RBMS3: variants seen among roughly 807,000 people sequenced by gnomAD.
RBMS3 encodes the protein RNA-binding motif, single-stranded-interacting protein 3.
In RBMS3, 27 loss-of-function variants were observed where a neutral mutation model predicts 66.8. The observed-to-expected ratio is 0.40, with a 90% CI of 0.30 to 0.56. The LOEUF (loss-of-function observed/expected upper bound fraction) is 0.56. Among genes scored for constraint, RBMS3 ranks in the 20% least tolerant of loss-of-function variants. RBMS3 has a pLI of 0.40. For missense variants in RBMS3, 513 were observed against 549.5 expected, an observed-to-expected ratio of 0.93 and a Z score of 0.66; for synonymous variants, 188 against 183.0, an observed-to-expected ratio of 1.03 and a Z score of -0.22.
At chr3:29,771,913 T>G (rs1459974970) in intron 6 of RBMS3, among the ~76,000 whole-genome samples, 1 of 151,976 alleles carries the variant, frequency 6.6e-6, no homozygotes, top group South Asian at 2.1e-4. Flanking sequence ...CATGATCCAG[T>G]CACCTCCCAC....
chr3:29,766,543 G>A (rs1379994151), intron 6 of RBMS3: 1 of 151,992 alleles, frequency 6.6e-6, no homozygotes, highest in Non-Finnish European at 1.5e-5. Flanking sequence ...AAGTGAGTTG[G>A]AAGAGAACTT....
chr3:29,337,095 C>T (rs575949100), intron 1 of RBMS3, among the ~76,000 whole-genome samples: 1 of 152,018 alleles, frequency 6.6e-6, no homozygotes, highest in South Asian at 2.1e-4. Context: ...TTCTTAACCC[C>T]CACAGCTTAT....
intron 4 of RBMS3, among the ~76,000 whole-genome samples, chr3:29,697,480 A>G (rs1174466846): frequency 2.0e-5 from 3 of 152,170 alleles, no homozygotes; most frequent in African/African-American, 7.2e-5. Context: ...TTGTTTACCA[A>G]TGTTACCCAT....
intron 4 of RBMS3, among the ~76,000 whole-genome samples, chr3:29,699,870 T>C (rs1223949004): frequency 1.3e-5 from 2 of 152,176 alleles, no homozygotes; most frequent in South Asian, 2.1e-4. Flanking sequence ...TCAGTAGGTC[T>C]GAGGCAGGAC....
At chr3:29,933,199 A>G (rs1191715049) in intron 10 of RBMS3, among the ~76,000 whole-genome samples, 2 of 152,174 alleles carry the variant, frequency 1.3e-5, no homozygotes, top group East Asian at 1.9e-4. Flanking sequence ...TCTTCAGCCT[A>G]TGGCTTAAAT....
At chr3:29,548,852 T>C (rs1001756786) in intron 3 of RBMS3, among the ~76,000 whole-genome samples, 88 of 151,972 alleles carry the variant, frequency 5.8e-4, no homozygotes, top group African/African-American at 2.0e-3. Context: ...GAAAAAACAA[T>C]ATGCCAAGCT....
At chr3:29,563,262 C>T (rs1252397014) in intron 3 of RBMS3, among the ~76,000 whole-genome samples, 1 of 152,136 alleles carries the variant, frequency 6.6e-6, no homozygotes. Context: ...GAACTATTTC[C>T]ATTACTTTGA....
intron 1 of RBMS3, among the ~76,000 whole-genome samples, chr3:29,359,814 A>T (rs2037456013): frequency 6.6e-6 from 1 of 151,818 alleles, no homozygotes; most frequent in African/African-American, 2.4e-5. Context: ...TTTCTTCTAG[A>T]TTTTCTAGTT....
At chr3:29,529,533 C>T (rs2045268413) in intron 3 of RBMS3, among the ~76,000 whole-genome samples, 1 of 151,874 alleles carries the variant, frequency 6.6e-6, no homozygotes, top group Admixed American at 6.6e-5. Context: ...TAAAAAAGAG[C>T]TTTCTGTTTT....
chr3:29,799,250 C>T (rs1297645940), intron 6 of RBMS3, among the ~76,000 whole-genome samples: 1 of 152,196 alleles, frequency 6.6e-6, no homozygotes, highest in East Asian at 1.9e-4. Flanking sequence ...TCTTCCTCCA[C>T]CAAATCATCA....
At chr3:29,702,645 T>C (rs938148959) in intron 4 of RBMS3, among the ~76,000 whole-genome samples, 3 of 150,388 alleles carry the variant, frequency 2.0e-5, no homozygotes, top group Admixed American at 6.6e-5. Flanking sequence ...CCAGGAGGAA[T>C]GAACAACTCT....
At chr3:29,520,514 C>T (rs776015853) in intron 3 of RBMS3, among the ~76,000 whole-genome samples, 1 of 151,916 alleles carries the variant, frequency 6.6e-6, no homozygotes, top group Non-Finnish European at 1.5e-5. Context: ...AAATATACAC[C>T]AACAGCATAG....
At chr3:29,598,165 C>T (rs2048021908) in intron 4 of RBMS3, among the ~76,000 whole-genome samples, 1 of 152,038 alleles carries the variant, frequency 6.6e-6, no homozygotes, top group African/African-American at 2.4e-5. Flanking sequence ...TAAGAAATGT[C>T]ACTACCTTAT....
chr3:29,373,861 G>A (rs561669220), intron 1 of RBMS3, among the ~76,000 whole-genome samples: 26 of 152,284 alleles, frequency 1.7e-4, no homozygotes, highest in Middle Eastern at 6.8e-3. Context: ...AAAGATGACT[G>A]TGGAATGTTT....
chr3:29,834,262 C>T (rs13084337), intron 6 of RBMS3, among the ~76,000 whole-genome samples: 3 of 151,632 alleles, frequency 2.0e-5, no homozygotes, highest in South Asian at 4.1e-4. Flanking sequence ...AAGTATAAAA[C>T]TCACCAGTAA....
intron 5 of RBMS3, among the ~76,000 whole-genome samples, chr3:29,760,544 A>G (rs1372140240): frequency 6.6e-6 from 1 of 151,954 alleles, no homozygotes; most frequent in East Asian, 1.9e-4. Context: ...TCTCCCATTC[A>G]TGTCTCTGCT....
intron 3 of RBMS3, among the ~76,000 whole-genome samples, chr3:29,515,637 TAAG>T (rs755756836): frequency 1.3e-5 from 2 of 152,216 alleles, no homozygotes; most frequent in African/African-American, 4.8e-5. Flanking sequence ...TCACACCGCA[TAAG>T]AAGGAGACTG....
intron 12 of RBMS3, among the ~76,000 whole-genome samples, chr3:29,945,134 C>G (rs1418682573): frequency 1.3e-5 from 2 of 151,532 alleles, no homozygotes; most frequent in African/African-American, 4.8e-5. Context: ...ACATGTCAGA[C>G]AGCAAGGTCA....
chr3:29,681,724 T>C (rs2051505959), intron 4 of RBMS3, among the ~76,000 whole-genome samples: 2 of 152,234 alleles, frequency 1.3e-5, no homozygotes, highest in Admixed American at 1.3e-4. Context: ...ATGGTGTATA[T>C]GTACCACATT....
Sources: gnomAD v4.1 joint callset for allele counts (sites outside exome capture counted in the v4.1 genomes callset) on GRCh38, gnomAD v4.1.1 for gene constraint, MANE v1.5 for transcripts, NCBI Gene and HGNC (gene_info 2026-07-23, HGNC 2026-07-21) for gene names.